KLF8: variants seen among roughly 807,000 people sequenced by gnomAD.
KLF8 encodes KLF transcription factor 8.
KLF8 carries 10 observed loss-of-function variants against 18.2 expected under a neutral mutation model. The observed-to-expected ratio is 0.55, with a 90% CI of 0.34 to 0.93. KLF8 has a LOEUF of 0.93. Among genes scored for constraint, KLF8 ranks in the 40% least tolerant of loss-of-function variants. The pLI is 0.02. For synonymous variants in KLF8, 109 were observed against 97.3 expected, an observed-to-expected ratio of 1.12 and a Z score of -0.71; for missense variants, 264 against 277.9, an observed-to-expected ratio of 0.95 and a Z score of 0.36.
rs1204580653 is a variant in KLF8, at chrX:56,232,966, C to A, written c.-369C>A. ...GGAGGACCTTAAGCTCTGGCCACTT[C>A]GGCCCAGCGAACCCACTTTATTTTT... On this transcript the variant is annotated 5_prime_UTR_variant, in exon 1 of 6. Coordinates refer to ENST00000468660, the MANE Select transcript of KLF8 (RefSeq NM_007250.5). The A allele has an allele frequency of 4.1e-6, 1 of 244,798 alleles. No individual in the cohort carries two copies. Among genetic ancestry groups the A allele is most frequent in the East Asian group, 7.4e-5 (1 of 13,431 alleles). The allele number at this position is 244,798 out of a possible 1,213,427, so 20.2% of individuals were successfully genotyped here. A position where few individuals can be genotyped will look rare whatever the true frequency, so the allele number is the denominator to read the frequency against.
intron 2 of KLF8, 117 bp from the exon 3 acceptor site, chrX:56,265,063 A>G: frequency 1.1e-6 from 1 of 902,987 alleles, no homozygotes; most frequent in African/African-American, 2.0e-5. Context: ...TATTTCTCCC[A>G]GCACCATGTA....
chrX:56,068,049 G>T, the KLF8 span, among the ~76,000 whole-genome samples: 2 of 112,088 alleles, frequency 1.8e-5, no homozygotes, highest in South Asian at 7.3e-4. Flanking sequence ...TCAGCCTCAT[G>T]GTCTCCCTTT....
the KLF8 span, among the ~76,000 whole-genome samples, chrX:56,203,744 G>A: frequency 9.0e-6 from 1 of 111,531 alleles, no homozygotes; most frequent in African/African-American, 3.3e-5. Flanking sequence ...GTAGATGTGT[G>A]GATTTTTTTC....
the KLF8 span, among the ~76,000 whole-genome samples, chrX:56,180,981 C>T: frequency 9.0e-6 from 1 of 111,449 alleles, no homozygotes; most frequent in Admixed American, 9.6e-5. Context: ...GTTAGGTCTG[C>T]TTGGTGCAGA....
At chrX:56,263,283 GA>G (rs2066912020) in intron 2 of KLF8, among the ~76,000 whole-genome samples, 1 of 111,836 alleles carries the variant, frequency 8.9e-6, no homozygotes, top group Non-Finnish European at 1.9e-5. Context: ...ACAAATCACA[GA>G]AATCATGTCC....
chrX:56,271,894 C>T (rs1393084481), intron 5 of KLF8, among the ~76,000 whole-genome samples: 2 of 110,996 alleles, frequency 1.8e-5, no homozygotes, highest in Non-Finnish European at 1.9e-5. Context: ...ACCTATTGTG[C>T]GGCTACCTTC....
At chrX:56,020,440 C>T in the KLF8 span, among the ~76,000 whole-genome samples, 1 of 111,668 alleles carries the variant, frequency 9.0e-6, no homozygotes, top group African/African-American at 3.3e-5. Flanking sequence ...AGGTAGTAGA[C>T]ATTGGGCTGT....
At chrX:56,266,966 G>C in intron 3 of KLF8, 4 of 753,301 alleles carry the variant, frequency 5.3e-6, no homozygotes, top group Non-Finnish European at 4.7e-6. Flanking sequence ...ATCTTATTTT[G>C]AGATGTGATA....
At chrX:56,162,669 C>T in the KLF8 span, among the ~76,000 whole-genome samples, 1 of 111,696 alleles carries the variant, frequency 9.0e-6, no homozygotes, top group Non-Finnish European at 1.9e-5. Context: ...CCATCTGTCA[C>T]CCCTGTCTTT....
chrX:56,198,698 C>G, the KLF8 span, among the ~76,000 whole-genome samples: 1 of 112,004 alleles, frequency 8.9e-6, no homozygotes, highest in Non-Finnish European at 1.9e-5. Context: ...CCATCCCCAT[C>G]AAGCTACCAA....
the KLF8 span, among the ~76,000 whole-genome samples, chrX:55,973,870 A>T: frequency 1.8e-5 from 2 of 111,741 alleles, no homozygotes; most frequent in African/African-American, 6.5e-5. Flanking sequence ...TCTACCATAA[A>T]GACACCTGCA....
the KLF8 span, among the ~76,000 whole-genome samples, chrX:55,966,849 C>A: frequency 8.9e-6 from 1 of 112,047 alleles, no homozygotes; most frequent in Middle Eastern, 4.6e-3. Flanking sequence ...TTCAAAATAA[C>A]TGTGTTAAGG....
At chrX:56,149,311 T>G in the KLF8 span, among the ~76,000 whole-genome samples, 10 of 111,924 alleles carry the variant, frequency 8.9e-5, no homozygotes, top group African/African-American at 3.2e-4. Context: ...TGTTATTGCA[T>G]GAGATTCAAA....
the KLF8 span, among the ~76,000 whole-genome samples, chrX:56,183,555 G>T: frequency 9.0e-6 from 1 of 111,408 alleles, no homozygotes; most frequent in Non-Finnish European, 1.9e-5. Flanking sequence ...ACTCATGCTA[G>T]GATCTGTAGA....
chrX:56,182,645 T>A, the KLF8 span, among the ~76,000 whole-genome samples: 8 of 112,355 alleles, frequency 7.1e-5, no homozygotes. Context: ...GAAATGGGGT[T>A]TTGGTGTGGG....
Position 56,287,018 on chromosome X carries a change from C to G in KLF8, c.*2524C>G, listed in dbSNP as rs2067275891. The G allele has an allele frequency of 9.0e-6, 1 of 111,604 alleles. No individual in the cohort carries two copies. Among genetic ancestry groups the G allele is most frequent in the Non-Finnish European group, 1.9e-5 (1 of 53,131 alleles). The allele number at this position is 111,604 out of a possible 1,213,427, so 9.2% of individuals were successfully genotyped here. ...GATACTCCTTTTTCAGAGTTCAGAACTGAACTGCTCCCCTAAGACCTCAGA... is the reference window on the plus strand; with the variant it reads ...GATACTCCTTTTTCAGAGTTCAGAAGTGAACTGCTCCCCTAAGACCTCAGA... On this transcript the variant is annotated 3_prime_UTR_variant, in exon 6 of 6. Coordinates refer to ENST00000468660, the MANE Select transcript of KLF8 (RefSeq NM_007250.5).
the KLF8 span, among the ~76,000 whole-genome samples, chrX:56,082,038 C>G: frequency 9.0e-6 from 1 of 111,363 alleles, no homozygotes; most frequent in Non-Finnish European, 1.9e-5. Context: ...TGTTGATTCT[C>G]TTTAAATGTT....
the KLF8 span, among the ~76,000 whole-genome samples, chrX:56,056,831 T>TAAAAA: frequency 7.3e-4 from 46 of 62,638 alleles, no homozygotes; most frequent in South Asian, 1.3e-3. Context: ...ATTGCAGGTG[T>TAAAAA]AAAAAAAAAA....
intron 1 of KLF8, among the ~76,000 whole-genome samples, chrX:56,233,820 A>G (rs2066434284): frequency 9.0e-6 from 1 of 111,693 alleles, no homozygotes; most frequent in South Asian, 3.7e-4. Context: ...AAGTTAGGCT[A>G]TTGGAGGCAC....
Sources: gnomAD v4.1 joint callset for allele counts (sites outside exome capture counted in the v4.1 genomes callset) on GRCh38, gnomAD v4.1.1 for gene constraint, MANE v1.5 for transcripts, NCBI Gene and HGNC (gene_info 2026-07-23, HGNC 2026-07-21) for gene names.